The following PHACTR3 variants were observed in gnomAD, a reference collection of about 807,000 sequenced individuals.
PHACTR3 encodes phosphatase and actin regulator 3.
In PHACTR3, 16 loss-of-function variants were observed where a neutral mutation model predicts 66.8. The observed-to-expected ratio is 0.24, with a 90% CI of 0.16 to 0.36. The LOEUF (loss-of-function observed/expected upper bound fraction) is 0.36. Ranked by LOEUF, PHACTR3 falls within the 10% of genes least tolerant of loss-of-function variation. The pLI is 1.00. For synonymous variants in PHACTR3, 323 were observed against 292.1 expected (o/e 1.11, Z -1.08); for missense variants, 647 against 719.9 (o/e 0.90, Z 1.16).
In PHACTR3 at chr20:59,736,567, C is replaced by T. The variant is rs946636865; in HGVS notation, c.119-6540C>T. 2.0e-5 allele frequency among the ~76,000 whole-genome samples: 3 copies of T among 151,602 alleles called. No homozygotes were observed. Among genetic ancestry groups the T allele is most frequent in the Non-Finnish European group, 4.4e-5 (3 of 67,888 alleles). On this transcript the variant is annotated intron_variant, in intron 1 of 12. Coordinates refer to ENST00000371015, the MANE Select transcript of PHACTR3 (RefSeq NM_080672.5). The surrounding 1 kb of genome is among the most constrained non-coding windows in gnomAD (Gnocchi z 4.6). ...AGGTGCACACCCACCCATGCCCATG[C>T]ATGCTGGCTCTGCAGTTGCTCACCC... is the stretch of plus-strand genomic sequence containing the variant.
At chr20:59,641,378 A>G (rs918085238) in intron 1 of PHACTR3, among the ~76,000 whole-genome samples, 1 of 152,184 alleles carries the variant, frequency 6.6e-6, no homozygotes, top group Non-Finnish European at 1.5e-5. Context: ...AAGACCTGAG[A>G]GAGCCAATGG....
intron 7 of PHACTR3, 129 bp downstream of exon 7, chr20:59,774,619 G>A (rs552735229): frequency 1.8e-4 from 233 of 1,271,912 alleles, no homozygotes; most frequent in Admixed American, 4.1e-4. Context: ...AGAAACAAGA[G>A]GGGGGCTGTG....
At chr20:59,771,625 C>T (rs1425573481) in intron 5 of PHACTR3, among the ~76,000 whole-genome samples, 4 of 152,048 alleles carry the variant, frequency 2.6e-5, no homozygotes, top group South Asian at 2.1e-4. Context: ...CTTTTCTCTC[C>T]CTCTCCTTCT....
chr20:59,701,222 C>T (rs1247310359), intron 1 of PHACTR3, among the ~76,000 whole-genome samples: 1 of 152,218 alleles, frequency 6.6e-6, no homozygotes, highest in African/African-American at 2.4e-5. Context: ...CTCCTGTGCT[C>T]ATGGCAGGCT....
At chr20:59,725,603 A>C (rs1461473770) in intron 1 of PHACTR3, among the ~76,000 whole-genome samples, 1 of 152,154 alleles carries the variant, frequency 6.6e-6, no homozygotes, top group Non-Finnish European at 1.5e-5. Flanking sequence ...TTTGAGAGCA[A>C]GTAATTTATA....
intron 1 of PHACTR3, among the ~76,000 whole-genome samples, chr20:59,611,318 A>G (rs984872442): frequency 1.3e-5 from 2 of 152,252 alleles, no homozygotes; most frequent in Non-Finnish European, 2.9e-5. Context: ...AGGTAATTCC[A>G]TCTTCTGTTA....
At chr20:59,723,060 C>CTCTTCTTTCTTTCTTTCTT (rs1466366874) in intron 1 of PHACTR3, among the ~76,000 whole-genome samples, 4 of 118,664 alleles carry the variant, frequency 3.4e-5, no homozygotes, top group African/African-American at 9.9e-5. Flanking sequence ...TTCTTTCTTT[C>CTCTTCTTTCTTTCTTTCTT]TCTTTCTTTC....
chr20:59,637,284 A>G (rs546871822), intron 1 of PHACTR3, among the ~76,000 whole-genome samples: 1 of 152,364 alleles, frequency 6.6e-6, no homozygotes, highest in African/African-American at 2.4e-5. Flanking sequence ...CAGCTCTGCT[A>G]GAGCGATGTC....
chr20:59,781,395 C>T (rs1392461482), intron 7 of PHACTR3, among the ~76,000 whole-genome samples: 13 of 152,336 alleles, frequency 8.5e-5, no homozygotes, highest in East Asian at 1.9e-4. Flanking sequence ...CGCCCAGCCT[C>T]AGATTACTCT....
chr20:59,701,474 A>G (rs2037502718), intron 1 of PHACTR3, among the ~76,000 whole-genome samples: 1 of 152,224 alleles, frequency 6.6e-6, no homozygotes, highest in African/African-American at 2.4e-5. Flanking sequence ...AGTTACTCTG[A>G]CAGTCTAGCT....
intron 1 of PHACTR3, among the ~76,000 whole-genome samples, chr20:59,680,961 A>G (rs2036621452): frequency 6.6e-6 from 1 of 152,240 alleles, no homozygotes; most frequent in African/African-American, 2.4e-5. Flanking sequence ...TATGCTTAAA[A>G]TATTGATGTC....
intron 1 of PHACTR3, among the ~76,000 whole-genome samples, chr20:59,597,369 G>A (rs145501013): frequency 3.3e-5 from 5 of 152,152 alleles, no homozygotes; most frequent in Admixed American, 3.3e-4. Context: ...TCATCATCAA[G>A]TCAGTGACTT....
intron 8 of PHACTR3, among the ~76,000 whole-genome samples, chr20:59,815,793 A>G (rs1712042095): frequency 1.3e-5 from 2 of 152,066 alleles, no homozygotes; most frequent in Non-Finnish European, 2.9e-5. Context: ...ATTTATCTTT[A>G]TGGATCATGG....
At chr20:59,733,160 A>T (rs6027064) in intron 1 of PHACTR3, among the ~76,000 whole-genome samples, 1 of 151,594 alleles carries the variant, frequency 6.6e-6, no homozygotes, top group African/African-American at 2.4e-5. Flanking sequence ...TGTGACTATA[A>T]GACACTTGTC....
chr20:59,734,162 C>T (rs1338308134), intron 1 of PHACTR3, among the ~76,000 whole-genome samples: 2 of 152,202 alleles, frequency 1.3e-5, no homozygotes, highest in African/African-American at 4.8e-5. Flanking sequence ...CCATAAGCTC[C>T]AGCCTAAGGG....
chr20:59,818,013 C>T (rs941018255), intron 8 of PHACTR3, among the ~76,000 whole-genome samples: 5 of 152,170 alleles, frequency 3.3e-5, no homozygotes, highest in East Asian at 1.9e-4. Flanking sequence ...CTGTCAGCAG[C>T]GGAAGCCTCC....
At chr20:59,772,568 T>G (rs1035679133) in intron 5 of PHACTR3, among the ~76,000 whole-genome samples, 1 of 152,138 alleles carries the variant, frequency 6.6e-6, no homozygotes, top group Non-Finnish European at 1.5e-5. Flanking sequence ...GAACAGCCCA[T>G]GCAAAGACTC....
intron 1 of PHACTR3, among the ~76,000 whole-genome samples, chr20:59,698,515 G>A (rs1400071749): frequency 6.6e-6 from 1 of 152,046 alleles, no homozygotes; most frequent in Admixed American, 6.5e-5. Context: ...CCAGATGATA[G>A]CTTCAATACC....
intron 8 of PHACTR3, among the ~76,000 whole-genome samples, chr20:59,808,276 G>A (rs1337188196): frequency 6.6e-6 from 1 of 152,254 alleles, no homozygotes. Flanking sequence ...AAGGTGCCAA[G>A]AGCCACTGAG....
Sources: allele counts gnomAD v4.1 joint callset (sites outside exome capture counted in the v4.1 genomes callset), GRCh38; gene constraint gnomAD v4.1.1; non-coding constraint Gnocchi (gnomAD v3.1); transcripts MANE v1.5; gene names NCBI Gene and HGNC (gene_info 2026-07-23, HGNC 2026-07-21).